Variants in RDX observed in about 807,000 individuals in gnomAD.
RDX encodes radixin, also known as deafness, autosomal recessive 24.
In RDX, 32 loss-of-function variants were observed where a neutral mutation model predicts 83.7. That is an observed-to-expected ratio of 0.38 (90% CI 0.29 to 0.51). The LOEUF is 0.51. Ranked by LOEUF, RDX falls within the 20% of genes least tolerant of loss-of-function variation. The pLI is 0.87. For synonymous variants in RDX, 229 were observed against 222.7 expected, an observed-to-expected ratio of 1.03 and a Z score of -0.25; for missense variants, 600 against 689.9, an observed-to-expected ratio of 0.87 and a Z score of 1.46.
intron 15 of RDX, among the ~76,000 whole-genome samples, chr11:110,186,705 C>G (rs182583443): frequency 2.0e-5 from 3 of 152,212 alleles, no homozygotes; most frequent in Admixed American, 1.3e-4. Flanking sequence ...CCATACAACC[C>G]AGGCCAAGGG....
rs561699385 is a variant in RDX at position 110,264,087 on chromosome 11, C to T, written c.340G>A (p.Glu114Lys). 5 of 1,613,938 alleles carry T rather than the reference C, an allele frequency of 3.1e-6. No individual in the cohort carries two copies. In the South Asian group the frequency reaches 5.5e-5, roughly 18 times the overall value. Reference protein sequence around the residue: ...LQVKEAILNDEIYCPPETAVL... With the variant: ...LQVKEAILNDKIYCPPETAVL... ...GCAGTTTCTGGCGGGCAATATATCT[C>T]ATCATTTAAGATGGCTTCTTTAACT... is the stretch of plus-strand genomic sequence containing the variant. The change falls in exon 5 of 14, where the codon GAG (glutamate) becomes AAG (lysine). Residue 114 changes from glutamate (E) to lysine (K), a missense_variant. Physicochemically the swap from Glu to Lys is moderately conservative, Grantham distance 56. Coordinates refer to ENST00000645495, the MANE Select transcript of RDX (RefSeq NM_002906.4).
chr11:110,293,592 T>C (rs576287176), intron 1 of RDX, among the ~76,000 whole-genome samples: 8 of 152,124 alleles, frequency 5.3e-5, no homozygotes, highest in Non-Finnish European at 1.2e-4. Context: ...GGATCAGTAA[T>C]GCCATGAGAC....
At chr11:110,279,969 T>A (rs540836461) in intron 1 of RDX, among the ~76,000 whole-genome samples, 77 of 152,246 alleles carry the variant, frequency 5.1e-4, no homozygotes, top group African/African-American at 1.8e-3. Flanking sequence ...ACATCTCAAA[T>A]AACATGTTAT....
intron 1 of RDX, among the ~76,000 whole-genome samples, chr11:110,289,956 CAAAAAAA>C (rs58146009): frequency 5.4e-4 from 19 of 35,484 alleles, no homozygotes; most frequent in South Asian, 1.3e-3. Context: ...GAGACTGTCT[CAAAAAAA>C]AAAAAAAAAA....
Position 110,230,656 on chromosome 11 carries a change from C to A in RDX, c.*1213G>T, listed in dbSNP as rs1034103027. On this transcript the variant is annotated 3_prime_UTR_variant, in exon 14 of 14. Transcript: ENST00000645495. ...CTCTCTTGCTCAGCCATACAACACCCCTCCAGGATGATAGTATACCAGTGA... is the reference window on the plus strand; with the variant it reads ...CTCTCTTGCTCAGCCATACAACACCACTCCAGGATGATAGTATACCAGTGA... 1 of 152,272 alleles carries A rather than the reference C, an allele frequency of 6.6e-6. No individual in the cohort carries two copies. The highest frequency in any genetic ancestry group is 1.5e-5 in the Non-Finnish European group (1 of 67,966). 9.4% of individuals were successfully genotyped at this position (152,272 alleles called of 1,614,324 possible).
intron 10 of RDX, among the ~76,000 whole-genome samples, chr11:110,240,132 T>C (rs1325383474): frequency 6.6e-6 from 1 of 152,170 alleles, no homozygotes; most frequent in Non-Finnish European, 1.5e-5. Context: ...CTATTCACAA[T>C]GGCCAAAACA....
At chr11:110,257,358 CAT>C (rs1353127062) in intron 7 of RDX, among the ~76,000 whole-genome samples, 1 of 151,990 alleles carries the variant, frequency 6.6e-6, no homozygotes, top group Non-Finnish European at 1.5e-5. Context: ...ATGTGATAGA[CAT>C]ATTTATTAAA....
At chr11:110,263,926 C>A in intron 5 of RDX, 34 bp downstream of exon 5, 1 of 1,569,486 alleles carries the variant, frequency 6.4e-7, no homozygotes, top group Non-Finnish European at 8.8e-7. Flanking sequence ...ATACAATTTT[C>A]AGACAATATA....
At chr11:110,224,168 T>C (rs1864353123) in intron 14 of RDX, among the ~76,000 whole-genome samples, 4 of 151,962 alleles carry the variant, frequency 2.6e-5, no homozygotes, top group Admixed American at 2.6e-4. Context: ...AATCCTGTCA[T>C]AATGAGCTGA....
chr11:110,238,958 G>T (rs1169298039), intron 10 of RDX, among the ~76,000 whole-genome samples: 2 of 150,768 alleles, frequency 1.3e-5, no homozygotes, highest in African/African-American at 2.4e-5. Flanking sequence ...AAAACACTTG[G>T]AAGGTTTTGA....
rs556523608 is a variant in RDX, at chr11:110,239,212, A to G, written c.1091-1560T>C. On this transcript the variant is annotated intron_variant, in intron 10 of 13. Coordinates refer to ENST00000645495, the MANE Select transcript of RDX (RefSeq NM_002906.4). ...AACCAAGAAAGCAATTCCATTTACC[A>G]TAGCCAAAAAAAAAAAGTAAAACAC... is the stretch of plus-strand genomic sequence containing the variant. Among the ~76,000 whole-genome samples the G allele has an allele frequency of 6.6e-5, 10 of 151,946 alleles. No individual in the cohort carries two copies. The East Asian group carries it at 1.9e-3, about 29-fold the overall frequency.
At chr11:110,202,380 CAAGACTTCATCT>C (rs1309859588) in intron 14 of RDX, among the ~76,000 whole-genome samples, 5 of 151,522 alleles carry the variant, frequency 3.3e-5, no homozygotes, top group African/African-American at 4.8e-5. Flanking sequence ...GGCAAGAGAG[CAAGACTTCATCT>C]AAAAAAAAAA....
intron 5 of RDX, chr11:110,263,437 T>TA (rs1366919908): frequency 6.6e-6 from 1 of 152,380 alleles, no homozygotes; most frequent in Non-Finnish European, 1.5e-5. Flanking sequence ...TTGCTTACCC[T>TA]ATGGGAATGA....
intron 9 of RDX, among the ~76,000 whole-genome samples, chr11:110,248,707 A>G (rs371731278): frequency 2.2e-4 from 33 of 152,304 alleles, no homozygotes; most frequent in African/African-American, 7.2e-4. Context: ...CCCCAAGAAA[A>G]TATCTTCTTT....
intron 14 of RDX, among the ~76,000 whole-genome samples, chr11:110,202,213 G>A (rs1286053413): frequency 6.6e-6 from 1 of 151,874 alleles, no homozygotes; most frequent in Non-Finnish European, 1.5e-5. Context: ...TGGCCAACAT[G>A]GGGAAACGCC....
intron 15 of RDX, among the ~76,000 whole-genome samples, chr11:110,190,798 G>C (rs1863087777): frequency 6.6e-6 from 1 of 152,174 alleles, no homozygotes; most frequent in South Asian, 2.1e-4. Context: ...GATCTTCAGA[G>C]ACTATTATCA....
chr11:110,192,171 A>G (rs1863115489), intron 15 of RDX, among the ~76,000 whole-genome samples: 1 of 152,240 alleles, frequency 6.6e-6, no homozygotes, highest in African/African-American at 2.4e-5. Flanking sequence ...ACAGCATGAT[A>G]TGAGCATAGA....
chr11:110,210,173 G>A lies in RDX; in HGVS notation c.1749-10495C>T, dbSNP rs1278805425. On this transcript the variant is annotated intron_variant, in intron 14 of 15. Transcript: ENST00000528498. ...CTGATGGAGCTGAAAACCAAGGCTCGAGAACTACGTGAAGAATGCAGAAGC... is the reference window on the plus strand; with the variant it reads ...CTGATGGAGCTGAAAACCAAGGCTCAAGAACTACGTGAAGAATGCAGAAGC... 2.0e-4 allele frequency among the ~76,000 whole-genome samples: 25 copies of A among 124,266 alleles called. 2 individuals are homozygous for A. Among genetic ancestry groups the A allele is most frequent in the Admixed American group, 4.7e-4 (6 of 12,784 alleles). The allele number at this position is 124,266 out of a possible 152,430, so 81.5% of individuals were successfully genotyped here. A position where few individuals can be genotyped will look rare whatever the true frequency, so the allele number is the denominator to read the frequency against.
intron 3 of RDX, among the ~76,000 whole-genome samples, chr11:110,268,248 A>G (rs1369142497): frequency 2.6e-5 from 4 of 151,402 alleles, no homozygotes; most frequent in Admixed American, 2.6e-4. Flanking sequence ...CGGAGGTTGC[A>G]CTGCATTGAG....
Sources: allele counts gnomAD v4.1 joint callset (sites outside exome capture counted in the v4.1 genomes callset), GRCh38; gene constraint gnomAD v4.1.1; transcripts MANE v1.5; gene names NCBI Gene and HGNC (gene_info 2026-07-23, HGNC 2026-07-21).